The following TTK variants were observed in gnomAD, a reference collection of about 807,000 sequenced individuals.
The protein encoded by TTK is TTK protein kinase.
In TTK, 59 loss-of-function variants were observed where a neutral mutation model predicts 117.3. That is an observed-to-expected ratio of 0.50 (90% CI 0.41 to 0.62). The LOEUF (loss-of-function observed/expected upper bound fraction) is 0.62, where lower values mean the gene tolerates loss of function less well. TTK is among the 20% of genes least tolerant of loss of function. The probability of loss-of-function intolerance (pLI) is 0.00; values close to 1 mark genes in which losing one functional copy is unlikely to be tolerated. For synonymous variants in TTK, 302 were observed against 325.0 expected (o/e 0.93, Z 0.76); for missense variants, 921 against 989.4 (o/e 0.93, Z 0.93).
intron 14 of TTK, among the ~76,000 whole-genome samples, chr6:80,031,781 T>C (rs973194511): frequency 6.6e-6 from 1 of 152,128 alleles, no homozygotes; most frequent in Non-Finnish European, 1.5e-5. Flanking sequence ...TTCCTTTCAA[T>C]GTCCTGTGCT....
chr6:80,008,365 G>C, intron 3 of TTK, 21 bp from the exon 4 acceptor site: 2 of 1,592,210 alleles, frequency 1.3e-6, no homozygotes, highest in Non-Finnish European at 1.7e-6. Flanking sequence ...CTTAAATTTT[G>C]ACTCAAATCT....
intron 3 of TTK, 71 bp from the exon 4 acceptor site, chr6:80,008,315 G>T: frequency 1.4e-6 from 2 of 1,439,408 alleles, no homozygotes; most frequent in South Asian, 1.3e-5. Flanking sequence ...TTGGAAAATT[G>T]AATGAAGCAT....
chr6:80,034,949 A>G, intron 14 of TTK, 36 bp from the exon 15 acceptor site: 2 of 1,414,420 alleles, frequency 1.4e-6, no homozygotes, highest in Non-Finnish European at 9.3e-7. Context: ...GTGTATAAAT[A>G]GTATATTCTA....
At chr6:80,008,925 A>ATG (rs1194569449) in intron 4 of TTK, among the ~76,000 whole-genome samples, 1 of 73,102 alleles carries the variant, frequency 1.4e-5, no homozygotes, top group African/African-American at 4.8e-5. Context: ...AGTAAACTAT[A>ATG]TATCTGTGTG....
At chr6:80,026,649 G>A (rs1477973117) in intron 12 of TTK, 135 bp downstream of exon 12, 7 of 1,292,782 alleles carry the variant, frequency 5.4e-6, no homozygotes, top group Non-Finnish European at 7.4e-6. Context: ...TATTTTTTCA[G>A]CATCAGTGTT....
chr6:80,035,560 TAAAGG>T, intron 16 of TTK, 143 bp downstream of exon 16: 1 of 942,906 alleles, frequency 1.1e-6, no homozygotes, highest in Non-Finnish European at 1.5e-6. Context: ...TATTTAAAGA[TAAAGG>T]AACAAAACCA....
At chr6:80,036,625 C>T (rs1401639950) in intron 17 of TTK, 26 bp downstream of exon 17, 3 of 1,571,604 alleles carry the variant, frequency 1.9e-6, no homozygotes, top group Non-Finnish European at 8.6e-7. Flanking sequence ...GGTTCTCTCA[C>T]AGTAGAGTTC....
In TTK at chr6:80,042,267, C is replaced by A; in HGVS notation, c.*65C>A. 1 of 1,286,840 alleles carries A rather than the reference C, an allele frequency of 7.8e-7. No homozygotes were observed. The highest frequency in any genetic ancestry group is 1.1e-6 in the Non-Finnish European group (1 of 923,288). The allele number at this position is 1,286,840 out of a possible 1,614,324, so 79.7% of individuals were successfully genotyped here. A position where few individuals can be genotyped will look rare whatever the true frequency, so the allele number is the denominator to read the frequency against. On this transcript the variant is annotated 3_prime_UTR_variant, in exon 22 of 22. Transcript: ENST00000369798. The stretch of plus-strand genomic sequence containing the variant: ...ATATTGGACTGTTATACTCTTGAAT[C>A]CCTGTGGAAATCTACATTTGAAGAC...
At position 80,040,712 on chromosome 6, in the gene TTK, G is replaced by A. The variant is rs765080087; in HGVS notation, c.2490+9G>A. 4.4e-6 allele frequency: 7 copies of A among 1,608,124 alleles called. No homozygotes were observed. Among genetic ancestry groups the A allele is most frequent in the African/African-American group, 1.3e-5 (1 of 74,672 alleles). On this transcript the variant is annotated intron_variant, in intron 21 of 21. Coordinates refer to ENST00000369798, the MANE Select transcript of TTK (RefSeq NM_003318.5). ...TTTTGAAAGCTGCTAAAGTAAGTAT[G>A]TCTATTCTTTACATTAATTTTTACT...
At chr6:80,012,076 A>G in intron 8 of TTK, 96 bp downstream of exon 8, 1 of 937,434 alleles carries the variant, frequency 1.1e-6, no homozygotes, top group Non-Finnish European at 1.5e-6. Context: ...AGTAATTATG[A>G]TTAAATTTTT....
intron 18 of TTK, among the ~76,000 whole-genome samples, chr6:80,038,316 C>T (rs1318446665): frequency 6.6e-6 from 1 of 152,158 alleles, no homozygotes; most frequent in East Asian, 1.9e-4. Context: ...CTCGCTACCT[C>T]GATGAGTTTG....
chr6:80,029,832 T>C (rs1447201403), intron 13 of TTK, among the ~76,000 whole-genome samples: 1 of 152,188 alleles, frequency 6.6e-6, no homozygotes, highest in South Asian at 2.1e-4. Context: ...GAGTTCACAT[T>C]AGTGTTGAGT....
chr6:80,034,553 G>C (rs239590), intron 14 of TTK, among the ~76,000 whole-genome samples: 97,539 of 151,900 alleles, frequency 0.64, 31,678 homozygotes, highest in Admixed American at 0.74. Context: ...GACTCAAACT[G>C]CTGGGCTCAA....
chr6:80,017,445 AT>A (rs1767337827), intron 10 of TTK, among the ~76,000 whole-genome samples: 1 of 152,042 alleles, frequency 6.6e-6, no homozygotes, highest in Non-Finnish European at 1.5e-5. Context: ...TGCCCGGCTA[AT>A]TTTTAGTTTT....
At chr6:80,036,322 T>A (rs547763674) in intron 16 of TTK, among the ~76,000 whole-genome samples, 153 bp from the exon 17 acceptor site, 10 of 152,234 alleles carry the variant, frequency 6.6e-5, no homozygotes, top group Admixed American at 5.9e-4. Context: ...ACATAACAAG[T>A]GCTATGTAAA....
intron 18 of TTK, among the ~76,000 whole-genome samples, chr6:80,039,391 C>CAAGG (rs3049177): frequency 6.6e-6 from 1 of 151,724 alleles, no homozygotes; most frequent in African/African-American, 2.4e-5. Context: ...CTGGGGAAAA[C>CAAGG]AAACTTAAAA....
At chr6:80,008,864 T>G (rs1384098637) in intron 4 of TTK, among the ~76,000 whole-genome samples, 1 of 151,606 alleles carries the variant, frequency 6.6e-6, no homozygotes, top group Non-Finnish European at 1.5e-5. Context: ...ATGCTATGGT[T>G]TCATAGCACC....
At chr6:80,039,106 G>A (rs1767980040) in intron 18 of TTK, among the ~76,000 whole-genome samples, 2 of 152,028 alleles carry the variant, frequency 1.3e-5, no homozygotes, top group Non-Finnish European at 2.9e-5. Context: ...GAAATGATTG[G>A]AATTGTGTAA....
At chr6:80,018,578 C>A (rs4706825) in intron 10 of TTK, among the ~76,000 whole-genome samples, 9,651 of 149,568 alleles carry the variant, frequency 0.065, 336 homozygotes, top group South Asian at 0.11. Flanking sequence ...GAGCTGAGAT[C>A]CTGCCATTAC....
Sources: gnomAD v4.1 joint callset for allele counts (sites outside exome capture counted in the v4.1 genomes callset) on GRCh38, gnomAD v4.1.1 for gene constraint, MANE v1.5 for transcripts, NCBI Gene and HGNC (gene_info 2026-07-23, HGNC 2026-07-21) for gene names.